The following TRDN variants were observed in gnomAD, a reference collection of about 807,000 sequenced individuals.
The protein encoded by TRDN is triadin in skeletal muscle.
TRDN carries 161 observed loss-of-function variants against 149.7 expected under a neutral mutation model. That is an observed-to-expected ratio of 1.08 (90% confidence interval 0.95 to 1.23). The LOEUF is 1.23. TRDN is among the 50% of genes most tolerant of loss of function. The probability of loss-of-function intolerance (pLI) is 0.00; values close to 1 mark genes in which losing one functional copy is unlikely to be tolerated. For missense variants in TRDN, 896 were observed against 823.5 expected (o/e 1.09, Z -1.08); for synonymous variants, 294 against 250.5 (o/e 1.17, Z -1.64).
chr6:123,316,500 G>A lies in TRDN; in HGVS notation c.1472-5C>T, dbSNP rs2114699560. On this transcript the variant is annotated splice_region_variant and splice_polypyrimidine_tract_variant and intron_variant, in intron 23 of 40. Transcript: ENST00000334268. ...CATCTTTTTTAGTTTCAGGTTCTGG[G>A]GCAAAACGTACACATAAACACGTAC... The A allele has an allele frequency of 1.2e-6, 2 of 1,609,524 alleles. No homozygotes were observed. The highest frequency in any genetic ancestry group is 1.7e-6 in the Non-Finnish European group (2 of 1,177,290).
At chr6:123,566,922 T>C (rs764176842) in intron 2 of TRDN, among the ~76,000 whole-genome samples, 6 of 152,216 alleles carry the variant, frequency 3.9e-5, no homozygotes, top group Non-Finnish European at 8.8e-5. Flanking sequence ...GAAATTATCA[T>C]TGAAAGGAAT....
At chr6:123,469,695 G>A (rs980153124) in intron 9 of TRDN, 1 of 152,702 alleles carries the variant, frequency 6.5e-6, no homozygotes, top group African/African-American at 2.4e-5. Flanking sequence ...ACAGCAGTGT[G>A]AAAGAGGCCT....
chr6:123,577,304 C>T (rs1782907437), intron 1 of TRDN, among the ~76,000 whole-genome samples: 3 of 152,094 alleles, frequency 2.0e-5, no homozygotes, highest in African/African-American at 7.2e-5. Flanking sequence ...CTGCCACCCT[C>T]CACCCTCAAG....
chr6:123,587,006 G>T (rs1239533361), intron 1 of TRDN, among the ~76,000 whole-genome samples: 2 of 152,030 alleles, frequency 1.3e-5, no homozygotes, highest in African/African-American at 4.8e-5. Context: ...TATGAGGTTG[G>T]GGTACTTGCC....
At chr6:123,606,830 T>C (rs908610035) in intron 1 of TRDN, among the ~76,000 whole-genome samples, 21 of 152,206 alleles carry the variant, frequency 1.4e-4, no homozygotes, top group African/African-American at 5.1e-4. Flanking sequence ...TTCTAATAAG[T>C]ATTCAAAGAA....
intron 4 of TRDN, among the ~76,000 whole-genome samples, chr6:123,534,816 C>T (rs1463136697): frequency 6.6e-6 from 1 of 152,086 alleles, no homozygotes; most frequent in African/African-American, 2.4e-5. Flanking sequence ...TGTATAATAG[C>T]ATAAAATTTT....
rs758463721 is a variant in TRDN, at chr6:123,521,958, T to C, written c.485-5752A>G. 2.6e-5 allele frequency among the ~76,000 whole-genome samples: 4 copies of C among 152,182 alleles called. No homozygotes were observed. The East Asian group carries it at 7.7e-4, about 29-fold the overall frequency. Reference sequence around the variant, plus strand: ...TCATCATGGAATTTGTAGTGCCCAGTATGGTGTTTGGCACAAAGTAGGTAC... The same window carrying C: ...TCATCATGGAATTTGTAGTGCCCAGCATGGTGTTTGGCACAAAGTAGGTAC... On this transcript the variant is annotated intron_variant, in intron 5 of 40. Coordinates refer to ENST00000334268, the MANE Select transcript of TRDN (RefSeq NM_006073.4).
intron 37 of TRDN, 24 bp from the exon 38 acceptor site, chr6:123,252,459 T>G (rs761403135): frequency 1.5e-6 from 2 of 1,376,376 alleles, no homozygotes; most frequent in Non-Finnish European, 2.0e-6. Flanking sequence ...ATAAATAAGT[T>G]TTGTTTAACT....
intron 1 of TRDN, among the ~76,000 whole-genome samples, chr6:123,579,106 T>G (rs1307359047): frequency 6.6e-6 from 1 of 152,186 alleles, no homozygotes; most frequent in Non-Finnish European, 1.5e-5. Context: ...TAGAAATAGT[T>G]TGACTTTCTA....
chr6:123,250,946 T>C (rs556735063), intron 38 of TRDN, among the ~76,000 whole-genome samples: 7 of 152,262 alleles, frequency 4.6e-5, no homozygotes, highest in African/African-American at 1.2e-4. Flanking sequence ...CTTCTGATGC[T>C]ATCTTTCTTT....
intron 1 of TRDN, among the ~76,000 whole-genome samples, chr6:123,586,025 C>A (rs190610468): frequency 6.6e-6 from 1 of 151,912 alleles, no homozygotes; most frequent in Non-Finnish European, 1.5e-5. Flanking sequence ...GCCTTTTGAC[C>A]TTTTAGGGTC....
intron 28 of TRDN, 26 bp downstream of exon 28, chr6:123,273,311 G>A: frequency 9.3e-7 from 1 of 1,080,924 alleles, no homozygotes; most frequent in Non-Finnish European, 1.3e-6. Context: ...GAAAGTCTAA[G>A]CATAAAAGAT....
chr6:123,604,149 T>A (rs777984320), intron 1 of TRDN, among the ~76,000 whole-genome samples: 16 of 152,164 alleles, frequency 1.1e-4, no homozygotes, highest in Non-Finnish European at 2.1e-4. Flanking sequence ...ATCTGATCCT[T>A]CCCTCAAGGG....
chr6:123,576,324 C>A (rs1782857638), intron 1 of TRDN, among the ~76,000 whole-genome samples: 1 of 152,044 alleles, frequency 6.6e-6, no homozygotes, highest in Non-Finnish European at 1.5e-5. Flanking sequence ...AAACTAGTCT[C>A]TGGACACTTT....
chr6:123,466,075 T>A (rs765995704), intron 9 of TRDN, among the ~76,000 whole-genome samples: 1 of 152,240 alleles, frequency 6.6e-6, no homozygotes, highest in African/African-American at 2.4e-5. Flanking sequence ...TTACTGAGCA[T>A]GTTTAAGTAT....
intron 9 of TRDN, among the ~76,000 whole-genome samples, chr6:123,482,551 A>C (rs1419129033): frequency 6.6e-6 from 1 of 152,220 alleles, no homozygotes; most frequent in Non-Finnish European, 1.5e-5. Flanking sequence ...ATAATCACAT[A>C]AAAATAATAT....
chr6:123,391,061 T>C (rs1433439551), intron 13 of TRDN, among the ~76,000 whole-genome samples: 1 of 152,066 alleles, frequency 6.6e-6, no homozygotes, highest in Non-Finnish European at 1.5e-5. Context: ...TGCACCTAAC[T>C]GATTAAAAAA....
At chr6:123,571,267 C>A (rs896719994) in intron 1 of TRDN, 135 bp from the exon 2 acceptor site, 8 of 842,482 alleles carry the variant, frequency 9.5e-6, no homozygotes, top group Non-Finnish European at 1.5e-5. Context: ...AGTGGCAGGA[C>A]AAAGCCTCCC....
intron 24 of TRDN, among the ~76,000 whole-genome samples, chr6:123,299,350 T>C (rs1315320188): frequency 6.6e-6 from 1 of 152,040 alleles, no homozygotes; most frequent in African/African-American, 2.4e-5. Context: ...AACCATTATT[T>C]GTCTCAGGTT....
Sources: allele counts gnomAD v4.1 joint callset (sites outside exome capture counted in the v4.1 genomes callset), GRCh38; gene constraint gnomAD v4.1.1; transcripts MANE v1.5; gene names NCBI Gene and HGNC (gene_info 2026-07-23, HGNC 2026-07-21).